DOK6: variants seen among roughly 807,000 people sequenced by gnomAD.
DOK6 encodes docking protein 6, also known as downstream of tyrosine kinase 6.
A neutral mutation model predicts 44.0 loss-of-function variants in DOK6; 22 were observed. The observed-to-expected ratio is 0.50, with a 90% CI of 0.36 to 0.71. DOK6 has a LOEUF of 0.71. Ranked by LOEUF, DOK6 falls within the 30% of genes least tolerant of loss-of-function variation. The pLI, the probability that DOK6 is intolerant of heterozygous loss-of-function variation, is 0.00. For missense variants in DOK6, 340 were observed against 416.4 expected, an observed-to-expected ratio of 0.82 and a Z score of 1.60; for synonymous variants, 166 against 145.5, an observed-to-expected ratio of 1.14 and a Z score of -1.01.
intron 7 of DOK6, among the ~76,000 whole-genome samples, chr18:69,762,797 T>A (rs1599311951): frequency 6.6e-6 from 1 of 152,162 alleles, no homozygotes; most frequent in East Asian, 1.9e-4. Context: ...TTAGCTCAGT[T>A]TTGCTGTATT....
At chr18:69,737,347 A>G (rs1978645563) in intron 5 of DOK6, among the ~76,000 whole-genome samples, 1 of 152,168 alleles carries the variant, frequency 6.6e-6, no homozygotes, top group Non-Finnish European at 1.5e-5. Flanking sequence ...AGAACTTCCA[A>G]ACACTTAAAA....
chr18:69,616,880 T>C (rs1984297499), intron 3 of DOK6, among the ~76,000 whole-genome samples: 1 of 152,242 alleles, frequency 6.6e-6, no homozygotes. Flanking sequence ...TATGCATATA[T>C]AAACAAAATC....
intron 5 of DOK6, among the ~76,000 whole-genome samples, chr18:69,719,614 A>G (rs1568343915): frequency 6.6e-6 from 1 of 152,208 alleles, no homozygotes; most frequent in Non-Finnish European, 1.5e-5. Context: ...TGGGCCTTTC[A>G]TTCATTTTGA....
intron 1 of DOK6, among the ~76,000 whole-genome samples, chr18:69,414,033 C>T (rs563830894): frequency 1.3e-5 from 2 of 151,858 alleles, no homozygotes; most frequent in South Asian, 4.2e-4. Context: ...ATTAAAACTA[C>T]CAAGAGATAT....
intron 2 of DOK6, among the ~76,000 whole-genome samples, chr18:69,592,089 T>C (rs1983634992): frequency 6.6e-6 from 1 of 152,172 alleles, no homozygotes; most frequent in South Asian, 2.1e-4. Flanking sequence ...TATTAATTCA[T>C]TTATTATTTT....
chr18:69,452,719 A>T (rs1979507259), intron 1 of DOK6, among the ~76,000 whole-genome samples: 1 of 147,584 alleles, frequency 6.8e-6, no homozygotes, highest in African/African-American at 2.5e-5. Flanking sequence ...ACCATGATCA[A>T]GTGGGCTTCA....
intron 7 of DOK6, among the ~76,000 whole-genome samples, chr18:69,807,962 C>A (rs1981104294): frequency 6.6e-6 from 1 of 151,726 alleles, no homozygotes; most frequent in Non-Finnish European, 1.5e-5. Context: ...CAGACATATA[C>A]AAAGCATTCC....
chr18:69,641,077 G>A (rs960614448), intron 3 of DOK6, among the ~76,000 whole-genome samples: 3 of 151,920 alleles, frequency 2.0e-5, no homozygotes, highest in East Asian at 1.9e-4. Context: ...TTAGCTGAGC[G>A]TGGTGACACG....
At position 69,812,390 on chromosome 18, in the gene DOK6, T is replaced by C. The variant is rs1273827075; in HGVS notation, c.857-28854T>C. ...ATAATAAATTATATCATTTTTCATA[T>C]ATTTTTGAAAAATCTTTAAGAACAA... On this transcript the variant is annotated intron_variant, in intron 7 of 7. Transcript: ENST00000382713. Among the ~76,000 whole-genome samples the C allele has an allele frequency of 2.0e-5, 3 of 152,298 alleles. No homozygotes were observed. In the East Asian group the frequency reaches 5.8e-4, roughly 29 times the overall value.
At chr18:69,528,982 T>C (rs17204401) in intron 1 of DOK6, among the ~76,000 whole-genome samples, 4,571 of 152,222 alleles carry the variant, frequency 0.03, 82 homozygotes, top group Middle Eastern at 0.048. Flanking sequence ...TCAACTGCAT[T>C]TCTAGAATTC....
intron 3 of DOK6, among the ~76,000 whole-genome samples, chr18:69,675,668 TAAAAA>T (rs199790798): frequency 5.3e-5 from 8 of 151,262 alleles, no homozygotes; most frequent in Admixed American, 4.0e-4. Context: ...AGTATAATAA[TAAAAA>T]AAAGAAAAAA....
chr18:69,452,172 T>TAATAAAGAAA (rs1182354540), intron 1 of DOK6, among the ~76,000 whole-genome samples: 1 of 151,326 alleles, frequency 6.6e-6, no homozygotes, highest in Non-Finnish European at 1.5e-5. Flanking sequence ...CTAGCAAGAC[T>TAATAAAGAAA]AATAAAGAAA....
chr18:69,570,977 G>A (rs1056565058), intron 2 of DOK6, among the ~76,000 whole-genome samples: 1 of 151,682 alleles, frequency 6.6e-6, no homozygotes, highest in South Asian at 2.1e-4. Context: ...ATAGATGAAG[G>A]GAATCAAGAA....
intron 7 of DOK6, among the ~76,000 whole-genome samples, chr18:69,810,839 C>T (rs1474087643): frequency 6.6e-6 from 1 of 151,820 alleles, no homozygotes; most frequent in Non-Finnish European, 1.5e-5. Flanking sequence ...ACCCCTTGCA[C>T]AACTGCTAAT....
At chr18:69,753,122 C>T (rs1979238877) in intron 6 of DOK6, among the ~76,000 whole-genome samples, 1 of 152,190 alleles carries the variant, frequency 6.6e-6, no homozygotes, top group Non-Finnish European at 1.5e-5. Context: ...TCAAAAGAAT[C>T]TTCTGAAGTT....
chr18:69,422,127 G>C (rs1978509925), intron 1 of DOK6, among the ~76,000 whole-genome samples: 1 of 151,760 alleles, frequency 6.6e-6, no homozygotes, highest in South Asian at 2.1e-4. Context: ...GGAAGGCCAG[G>C]GATCCACACA....
rs1982918486 is a variant in DOK6, at chr18:69,564,361, CAT to C, written c.67-125_67-124del. 1.9e-5 allele frequency: 13 copies of C among 681,678 alleles called. No homozygotes were observed. In the East Asian group the frequency reaches 3.6e-4, roughly 19 times the overall value. The allele number at this position is 681,678 out of a possible 1,614,324, so 42.2% of individuals were successfully genotyped here. A position where few individuals can be genotyped will look rare whatever the true frequency, so the allele number is the denominator to read the frequency against. On this transcript the variant is annotated intron_variant, in intron 1 of 7. Coordinates refer to ENST00000382713, the MANE Select transcript of DOK6 (RefSeq NM_152721.6). ...AAAATACTGTAATCTTAATTAAGAA[CAT>C]GTTTGTCAATCAAAAACAGTTCCTC... is the stretch of plus-strand genomic sequence containing the variant.
At chr18:69,466,863 C>T (rs1227667677) in intron 1 of DOK6, among the ~76,000 whole-genome samples, 7 of 151,846 alleles carry the variant, frequency 4.6e-5, no homozygotes, top group Non-Finnish European at 1.0e-4. Flanking sequence ...CTTCTGTGTC[C>T]GTAATGAAAT....
chr18:69,590,637 A>G (rs1470046626), intron 2 of DOK6, among the ~76,000 whole-genome samples: 1 of 152,160 alleles, frequency 6.6e-6, no homozygotes, highest in Non-Finnish European at 1.5e-5. Context: ...CATTTTTAAG[A>G]TGTTATCAAA....
Sources: gnomAD v4.1 joint callset for allele counts (sites outside exome capture counted in the v4.1 genomes callset) on GRCh38, gnomAD v4.1.1 for gene constraint, MANE v1.5 for transcripts, NCBI Gene and HGNC (gene_info 2026-07-23, HGNC 2026-07-21) for gene names.